Variants in WRN observed in about 807,000 individuals in gnomAD.
The protein encoded by WRN is WRN RecQ like helicase.
WRN carries 149 observed loss-of-function variants against 180.7 expected under a neutral mutation model. That is an observed-to-expected ratio of 0.82 (90% CI 0.72 to 0.94). The LOEUF is 0.94. WRN is among the 40% of genes least tolerant of loss of function. WRN has a pLI of 0.00. For missense variants in WRN, 1,661 were observed against 1,700.1 expected (o/e 0.98, Z 0.40); for synonymous variants, 548 against 568.9 (o/e 0.96, Z 0.52).
chr8:31,156,723 A>C (rs570700955), intron 32 of WRN, among the ~76,000 whole-genome samples: 1 of 152,342 alleles, frequency 6.6e-6, no homozygotes, highest in South Asian at 2.1e-4. Context: ...CCTAATAAAT[A>C]TCTGAAATGT....
In WRN at chr8:31,046,425, A is replaced by G. The variant is rs1811864191; in HGVS notation, c.-76-11947A>G. On this transcript the variant is annotated intron_variant, in intron 1 of 34. Transcript: ENST00000298139. ...TGCTTAATATGAGGGAGGATTAAGA[A>G]AGAGGATGGCTTTTGAACAGTTTCT... is the stretch of plus-strand genomic sequence containing the variant. Among the ~76,000 whole-genome samples, 4 of 152,276 alleles carry G rather than the reference A, an allele frequency of 2.6e-5. No individual in the cohort carries two copies. The South Asian group carries it at 8.3e-4, about 32-fold the overall frequency.
At chr8:31,043,189 G>A (rs2129925722) in intron 1 of WRN, among the ~76,000 whole-genome samples, 1 of 152,310 alleles carries the variant, frequency 6.6e-6, no homozygotes, top group South Asian at 2.1e-4. Flanking sequence ...ATGCTTGTAA[G>A]ATGGCTACTT....
intron 31 of WRN, among the ~76,000 whole-genome samples, chr8:31,153,427 A>G (rs537759007): frequency 2.8e-4 from 42 of 152,244 alleles, no homozygotes; most frequent in African/African-American, 9.2e-4. Flanking sequence ...GATTTCTATA[A>G]ATTGCAAAAT....
chr8:31,050,014 A>G (rs1812025271), intron 1 of WRN, among the ~76,000 whole-genome samples: 1 of 152,128 alleles, frequency 6.6e-6, no homozygotes, highest in Admixed American at 6.5e-5. Flanking sequence ...ATGAAAATTT[A>G]GAGAAATAAA....
intron 23 of WRN, 48 bp downstream of exon 23, chr8:31,125,048 CTTCCTT>C (rs1439323978): frequency 6.5e-7 from 1 of 1,547,260 alleles, no homozygotes; most frequent in African/African-American, 1.4e-5. Context: ...CTTTCTTTCT[CTTCCTT>C]TTCATGTTTA....
chr8:31,052,015 C>T (rs1360544240), intron 1 of WRN, among the ~76,000 whole-genome samples: 1 of 152,116 alleles, frequency 6.6e-6, no homozygotes, highest in East Asian at 1.9e-4. Flanking sequence ...CGTTGTTATG[C>T]TTAAGTATTG....
At chr8:31,115,760 C>T (rs887671498) in intron 19 of WRN, among the ~76,000 whole-genome samples, 8 of 152,090 alleles carry the variant, frequency 5.3e-5, no homozygotes, top group African/African-American at 7.2e-5. Flanking sequence ...CTATGGAAAT[C>T]GTTTACGCTT....
At chr8:31,157,131 G>A (rs1159986726) in intron 32 of WRN, among the ~76,000 whole-genome samples, 1 of 152,178 alleles carries the variant, frequency 6.6e-6, no homozygotes, top group Non-Finnish European at 1.5e-5. Context: ...CTTCGGTAAA[G>A]CTGGGTGATT....
At chr8:31,103,695 A>G (rs1354340852) in intron 18 of WRN, among the ~76,000 whole-genome samples, 1 of 152,062 alleles carries the variant, frequency 6.6e-6, no homozygotes, top group Non-Finnish European at 1.5e-5. Flanking sequence ...TAAAGATGCT[A>G]TGAACATTTG....
chr8:31,053,909 A>G (rs945013160), intron 1 of WRN, among the ~76,000 whole-genome samples: 6 of 152,246 alleles, frequency 3.9e-5, no homozygotes, highest in Non-Finnish European at 7.3e-5. Context: ...AAGCTTACTT[A>G]AATCATCAGA....
At chr8:31,093,175 G>T (rs1813826422) in intron 16 of WRN, among the ~76,000 whole-genome samples, 1 of 152,132 alleles carries the variant, frequency 6.6e-6, no homozygotes, top group African/African-American at 2.4e-5. Flanking sequence ...CTGGCGTCAG[G>T]ATTGTTTCCA....
At chr8:31,099,209 G>A (rs1814112730) in intron 17 of WRN, among the ~76,000 whole-genome samples, 1 of 151,610 alleles carries the variant, frequency 6.6e-6, no homozygotes, top group African/African-American at 2.4e-5. Flanking sequence ...CCATCCTGGC[G>A]AACATGGTGA....
chr8:31,076,044 G>A (rs1025123109), intron 7 of WRN, 129 bp from the exon 8 acceptor site: 3 of 757,150 alleles, frequency 4.0e-6, no homozygotes, highest in African/African-American at 1.8e-5. Context: ...GAATAAGAAG[G>A]TCTTTTTGTT....
At chr8:31,052,250 T>A (rs910300996) in intron 1 of WRN, among the ~76,000 whole-genome samples, 1 of 152,198 alleles carries the variant, frequency 6.6e-6, no homozygotes, top group African/African-American at 2.4e-5. Context: ...CATGTTCTTA[T>A]AGAAAAGTTG....
chr8:31,144,783 A>G (rs765702867), intron 28 of WRN, among the ~76,000 whole-genome samples: 16 of 152,260 alleles, frequency 1.1e-4, no homozygotes, highest in Admixed American at 5.2e-4. Context: ...GTTAGTTTGC[A>G]AAGGCAAAAG....
At chr8:31,040,101 T>C (rs1218390253) in intron 1 of WRN, among the ~76,000 whole-genome samples, 3 of 152,166 alleles carry the variant, frequency 2.0e-5, no homozygotes, top group Admixed American at 6.5e-5. Context: ...ACAGATTAGA[T>C]GCAGAATGTG....
In WRN at chr8:31,124,616, A is replaced by G; in HGVS notation, c.2725A>G (p.Arg909Gly). The G allele has an allele frequency of 1.9e-6, 3 of 1,607,672 alleles. No individual in the cohort carries two copies. Among genetic ancestry groups the G allele is most frequent in the Non-Finnish European group, 2.6e-6 (3 of 1,174,522 alleles). Residue 909 changes from arginine (R) to glycine (G), a missense_variant, in exon 22 of 35, where the codon AGG becomes GGG. By Grantham distance (125) the Arg-to-Gly change is moderately radical. Transcript: ENST00000298139. ...MEKYLHSSRC[R>G]RQIILSHFED... ...AAAATATCTTCATTCTAGCAGATGT[A>G]GGAGACAGTATGTATTATTTATTTT...
At chr8:31,132,996 A>C (rs1229955698) in intron 24 of WRN, among the ~76,000 whole-genome samples, 1 of 152,228 alleles carries the variant, frequency 6.6e-6, no homozygotes, top group African/African-American at 2.4e-5. Context: ...AAGTATTTAA[A>C]GTTATAAGAA....
At position 31,083,725 on chromosome 8, in the gene WRN, C is replaced by T. The variant is rs772082980; in HGVS notation, c.1296C>T (p.Asn432=). The T allele has an allele frequency of 1.4e-5, 23 of 1,611,022 alleles. No individual in the cohort carries two copies. The highest frequency in any genetic ancestry group is 5.0e-5 in the Admixed American group (3 of 59,874). The change falls in exon 10 of 35, where the codon AAC becomes AAT. Residue 432 remains asparagine, a synonymous_variant. Transcript: ENST00000298139. ...TEHLSPNDNE[N]DTSYVIESDE... ...ATTTATCTCCCAATGATAATGAAAA[C>T]GATACGTCCTATGTAATTGAGAGTG... is the stretch of plus-strand genomic sequence containing the variant.
Sources: gnomAD v4.1 joint callset for allele counts (sites outside exome capture counted in the v4.1 genomes callset) on GRCh38, gnomAD v4.1.1 for gene constraint, MANE v1.5 for transcripts, NCBI Gene and HGNC (gene_info 2026-07-23, HGNC 2026-07-21) for gene names.